The following ZFHX3 variants were observed in gnomAD, a reference collection of about 807,000 sequenced individuals.
The protein encoded by ZFHX3 is zinc finger homeobox protein 3.
A neutral mutation model predicts 279.1 loss-of-function variants in ZFHX3; 42 were observed. The ratio of observed to expected loss-of-function variants is 0.15; its 90% confidence interval spans 0.12 to 0.19. The LOEUF (loss-of-function observed/expected upper bound fraction) is 0.19. Ranked by LOEUF, ZFHX3 falls within the 10% of genes least tolerant of loss-of-function variation. ZFHX3 has a pLI of 1.00. For missense variants in ZFHX3, 4,981 were observed against 4,754.0 expected, an observed-to-expected ratio of 1.05 and a Z score of -1.40; for synonymous variants, 2,293 against 1,957.8, an observed-to-expected ratio of 1.17 and a Z score of -4.52.
At chr16:73,095,923 C>T (rs1966156902) in intron 7 of ZFHX3, among the ~76,000 whole-genome samples, 1 of 152,186 alleles carries the variant, frequency 6.6e-6, no homozygotes, top group Non-Finnish European at 1.5e-5. Flanking sequence ...CAACATTGCA[C>T]TTACTGTAGC....
chr16:73,382,299 TA>T (rs1398126891), intron 3 of ZFHX3, among the ~76,000 whole-genome samples: 2 of 152,228 alleles, frequency 1.3e-5, no homozygotes, highest in Non-Finnish European at 2.9e-5. Flanking sequence ...GTAAAACTTT[TA>T]TACGACGAAG....
At chr16:73,180,098 T>C (rs1967759557) in intron 5 of ZFHX3, among the ~76,000 whole-genome samples, 1 of 152,190 alleles carries the variant, frequency 6.6e-6, no homozygotes, top group Admixed American at 6.5e-5. Flanking sequence ...TATAAACAGA[T>C]TGAAGAACAA....
At chr16:72,961,137 G>A (rs951858529) in intron 1 of ZFHX3, among the ~76,000 whole-genome samples, 11 of 152,162 alleles carry the variant, frequency 7.2e-5, no homozygotes, top group Non-Finnish European at 1.0e-4. Context: ...ATCTGGCCCT[G>A]GCTGGAGGGA....
chr16:73,842,670 AAAC>A (rs1307938806), intron 1 of ZFHX3, among the ~76,000 whole-genome samples: 1 of 152,156 alleles, frequency 6.6e-6, no homozygotes, highest in Non-Finnish European at 1.5e-5. Flanking sequence ...GTTTAAATTA[AAAC>A]AACAACAACA....
At chr16:73,572,288 T>C (rs1200120574) in intron 2 of ZFHX3, among the ~76,000 whole-genome samples, 1 of 151,844 alleles carries the variant, frequency 6.6e-6, no homozygotes, top group Admixed American at 6.6e-5. Context: ...TTTTTAAGAG[T>C]GTGCTAGGAA....
At chr16:73,847,751 A>G (rs1961484783) in intron 1 of ZFHX3, among the ~76,000 whole-genome samples, 1 of 151,758 alleles carries the variant, frequency 6.6e-6, no homozygotes. Flanking sequence ...ATTTATTATT[A>G]TGATGAGATG....
At chr16:72,932,536 C>T (rs1028853359) in intron 3 of ZFHX3, among the ~76,000 whole-genome samples, 1 of 151,922 alleles carries the variant, frequency 6.6e-6, no homozygotes, top group African/African-American at 2.4e-5. Flanking sequence ...CCAAGCTCCA[C>T]CTCCTTCAGA....
intron 5 of ZFHX3, among the ~76,000 whole-genome samples, chr16:73,240,546 A>G (rs2013090551): frequency 6.6e-6 from 1 of 152,046 alleles, no homozygotes; most frequent in South Asian, 2.1e-4. Context: ...TGACAAAATC[A>G]CCAACTAAGA....
At chr16:73,351,982 A>G (rs1055868258) in intron 3 of ZFHX3, among the ~76,000 whole-genome samples, 5 of 152,258 alleles carry the variant, frequency 3.3e-5, no homozygotes, top group Non-Finnish European at 5.9e-5. Context: ...GAGAACTTTT[A>G]TACCATTTCT....
At chr16:73,171,999 A>G (rs974240156) in intron 5 of ZFHX3, among the ~76,000 whole-genome samples, 20 of 152,150 alleles carry the variant, frequency 1.3e-4, no homozygotes, top group African/African-American at 4.8e-4. Flanking sequence ...ATGGGAAAAA[A>G]TTCCCTTTTG....
intron 2 of ZFHX3, among the ~76,000 whole-genome samples, chr16:73,562,362 A>G (rs946051449): frequency 3.3e-5 from 5 of 152,160 alleles, no homozygotes; most frequent in South Asian, 2.1e-4. Context: ...TTGGGAGGCC[A>G]AGGCGGGCGG....
chr16:73,041,404 G>T (rs756592938), intron 1 of ZFHX3, among the ~76,000 whole-genome samples: 10 of 151,958 alleles, frequency 6.6e-5, no homozygotes, highest in Non-Finnish European at 1.3e-4. Flanking sequence ...TTAAAAAAGG[G>T]TGTGCAGGGC....
At chr16:73,573,281 C>G (rs560224487) in intron 2 of ZFHX3, among the ~76,000 whole-genome samples, 2 of 152,276 alleles carry the variant, frequency 1.3e-5, no homozygotes, top group Non-Finnish European at 2.9e-5. Flanking sequence ...GTGAACCTCA[C>G]CACCCTCCCC....
chr16:73,718,187 G>A (rs1027885294), intron 1 of ZFHX3, among the ~76,000 whole-genome samples: 1 of 152,224 alleles, frequency 6.6e-6, no homozygotes, highest in African/African-American at 2.4e-5. Flanking sequence ...AAAGGGGGTA[G>A]ATGACTTGAG....
intron 3 of ZFHX3, among the ~76,000 whole-genome samples, chr16:73,447,243 C>G (rs552326265): frequency 6.8e-6 from 1 of 147,606 alleles, no homozygotes; most frequent in African/African-American, 2.5e-5. Context: ...ATAAAAGGAA[C>G]AAGAAGTAGT....
chr16:73,360,177 A>T (rs2143310271), intron 3 of ZFHX3, among the ~76,000 whole-genome samples: 1 of 152,328 alleles, frequency 6.6e-6, no homozygotes, highest in South Asian at 2.1e-4. Flanking sequence ...TCATTGTGAG[A>T]ATTAAACAGC....
At chr16:73,207,105 T>C (rs1362332589) in intron 5 of ZFHX3, among the ~76,000 whole-genome samples, 1 of 143,846 alleles carries the variant, frequency 7.0e-6, no homozygotes, top group Non-Finnish European at 1.5e-5. Context: ...TTATGCAGAA[T>C]GGTAACAAGG....
chr16:73,830,518 C>G (rs1191198025), intron 1 of ZFHX3, among the ~76,000 whole-genome samples: 1 of 152,132 alleles, frequency 6.6e-6, no homozygotes, highest in Non-Finnish European at 1.5e-5. Flanking sequence ...TGAAACCCCA[C>G]CCCTCTTAAC....
At chr16:73,398,602 G>C (rs1424450460) in intron 3 of ZFHX3, among the ~76,000 whole-genome samples, 1 of 152,168 alleles carries the variant, frequency 6.6e-6, no homozygotes, top group Non-Finnish European at 1.5e-5. Flanking sequence ...TCCATAGGAG[G>C]ATCTCTAAAA....
Sources: gnomAD v4.1 joint callset for allele counts (sites outside exome capture counted in the v4.1 genomes callset) on GRCh38, gnomAD v4.1.1 for gene constraint, MANE v1.5 for transcripts, NCBI Gene and HGNC (gene_info 2026-07-23, HGNC 2026-07-21) for gene names.